Variants in EHMT1 observed in about 807,000 individuals in gnomAD.
The protein encoded by EHMT1 is euchromatic histone lysine methyltransferase 1.
Under a neutral mutation model 147.2 loss-of-function variants are expected in EHMT1, and 15 were observed. The observed-to-expected ratio is 0.10, with a 90% CI of 0.07 to 0.16. The LOEUF (loss-of-function observed/expected upper bound fraction) is 0.16, where lower values mean the gene tolerates loss of function less well. Among genes scored for constraint, EHMT1 ranks in the 10% least tolerant of loss-of-function variants. The pLI, the probability that EHMT1 is intolerant of heterozygous loss-of-function variation, is 1.00. For missense variants in EHMT1, 1,587 were observed against 1,772.4 expected (o/e 0.90, Z 1.88); for synonymous variants, 795 against 709.6 (o/e 1.12, Z -1.91).
chr9:137,667,349 C>T (rs1390253816), intron 1 of EHMT1: 1 of 152,212 alleles, frequency 6.6e-6, no homozygotes, highest in Non-Finnish European at 1.5e-5. Flanking sequence ...GTTCTCATCT[C>T]TTTGGAGTTG....
At chr9:137,824,025 A>C (rs1955641657) in intron 25 of EHMT1, among the ~76,000 whole-genome samples, 1 of 152,200 alleles carries the variant, frequency 6.6e-6, no homozygotes, top group African/African-American at 2.4e-5. Context: ...AGAATTTTGA[A>C]ATTCTATTAC....
At chr9:137,661,925 C>T (rs1939129917) in intron 1 of EHMT1, among the ~76,000 whole-genome samples, 1 of 152,156 alleles carries the variant, frequency 6.6e-6, no homozygotes, top group Non-Finnish European at 1.5e-5. Context: ...GCCTCAGCCT[C>T]CCAGGTAGCT....
At chr9:137,747,812 C>T (rs1272271934) in intron 6 of EHMT1, 2 of 152,104 alleles carry the variant, frequency 1.3e-5, no homozygotes, top group African/African-American at 4.8e-5. Flanking sequence ...CACTGACCTC[C>T]CATCCCCAAA....
chr9:137,728,580 C>T (rs1330364901), intron 4 of EHMT1, 51 bp downstream of exon 4: 1 of 1,611,620 alleles, frequency 6.2e-7, no homozygotes, highest in Non-Finnish European at 8.5e-7. Context: ...TGTTTCGAGC[C>T]TGCCCCTTGC....
intron 1 of EHMT1, chr9:137,650,858 A>G (rs1352358938): frequency 6.6e-6 from 1 of 151,908 alleles, no homozygotes; most frequent in African/African-American, 2.4e-5. Flanking sequence ...TTTTTTGTGC[A>G]GACTGTGTTG....
Position 137,717,119 on chromosome 9 carries a change from C to T in EHMT1, c.579C>T (p.Ala193=), listed in dbSNP as rs765741334. Residue 193 remains alanine, a synonymous_variant, in exon 3 of 27, where the codon GCC becomes GCT. Coordinates refer to ENST00000460843, the MANE Select transcript of EHMT1 (RefSeq NM_024757.5). ...ACACAGAGGACAGGAAGCTCCCGGC[C>T]CCTGGCGCCGACGTCAAGGTCCACA... is the stretch of plus-strand genomic sequence containing the variant. The part of the protein sequence containing the change: ...SADTEDRKLP[A]PGADVKVHRA... 29 of 1,612,458 alleles carry T rather than the reference C, an allele frequency of 1.8e-5. No individual in the cohort carries two copies. Among genetic ancestry groups the T allele is most frequent in the Non-Finnish European group, 2.2e-5 (26 of 1,179,946 alleles).
intron 1 of EHMT1, among the ~76,000 whole-genome samples, chr9:137,635,467 G>A (rs2987623): frequency 1.3e-5 from 2 of 151,356 alleles, no homozygotes; most frequent in Admixed American, 6.6e-5. Flanking sequence ...CGCCCTCCTT[G>A]GCCTCCCAAA....
intron 1 of EHMT1, among the ~76,000 whole-genome samples, chr9:137,707,729 T>G (rs1035432785): frequency 6.6e-6 from 1 of 152,240 alleles, no homozygotes; most frequent in South Asian, 2.1e-4. Context: ...GATTTGTGGC[T>G]GGTGGTGGTG....
chr9:137,686,877 C>T (rs1942494017), intron 1 of EHMT1, among the ~76,000 whole-genome samples: 1 of 151,918 alleles, frequency 6.6e-6, no homozygotes, highest in South Asian at 2.1e-4. Flanking sequence ...ACTACGGGCG[C>T]CCGCCACCGC....
At chr9:137,636,829 A>G (rs1343367654) in intron 1 of EHMT1, among the ~76,000 whole-genome samples, 4 of 147,774 alleles carry the variant, frequency 2.7e-5, no homozygotes. Context: ...CATAAGTGGT[A>G]TTATGTTGGT....
intron 23 of EHMT1, 132 bp from the exon 24 acceptor site, chr9:137,817,307 C>T: frequency 1.0e-6 from 1 of 987,752 alleles, no homozygotes; most frequent in Non-Finnish European, 1.6e-6. Flanking sequence ...GTGCCTGCAG[C>T]ATCGAACGCT....
At position 137,636,894 on chromosome 9, in the gene EHMT1, C is replaced by A. The variant is rs531042868; in HGVS notation, c.21+17845C>A. 5.3e-4 allele frequency among the ~76,000 whole-genome samples: 76 copies of A among 142,392 alleles called. No homozygotes were observed. In the East Asian group the frequency reaches 0.012, roughly 23 times the overall value. The allele number at this position is 142,392 out of a possible 152,430, so 93.4% of individuals were successfully genotyped here. A position where few individuals can be genotyped will look rare whatever the true frequency, so the allele number is the denominator to read the frequency against. Reference sequence around the variant, plus strand: ...ATTATTTTTTTTTGAGACAGTTTCACTCTTTTTTTTTTTTTTTTTTTGAGA... The same window carrying A: ...ATTATTTTTTTTTGAGACAGTTTCAATCTTTTTTTTTTTTTTTTTTTGAGA... On this transcript the variant is annotated intron_variant, in intron 1 of 26. Transcript: ENST00000460843.
chr9:137,700,098 T>C (rs1215963255), intron 1 of EHMT1, among the ~76,000 whole-genome samples: 1 of 152,200 alleles, frequency 6.6e-6, no homozygotes, highest in Non-Finnish European at 1.5e-5. Flanking sequence ...TAAAGAGAAT[T>C]TGTGAGGTCA....
intron 2 of EHMT1, among the ~76,000 whole-genome samples, chr9:137,716,157 TGTG>T (rs146768423): frequency 5.1e-4 from 1 of 1,944 alleles, no homozygotes; most frequent in Admixed American, 4.5e-3. Flanking sequence ...GGGAGGAAGT[TGTG>T]GTGGTGTCAT....
At chr9:137,691,687 C>G (rs569243566) in intron 1 of EHMT1, among the ~76,000 whole-genome samples, 1 of 152,286 alleles carries the variant, frequency 6.6e-6, no homozygotes, top group South Asian at 2.1e-4. Flanking sequence ...CATACTGTTT[C>G]CCATAGCAAC....
At chr9:137,715,795 T>A in intron 2 of EHMT1, 1 of 985,386 alleles carries the variant, frequency 1.0e-6, no homozygotes, top group Non-Finnish European at 1.2e-6. Flanking sequence ...TTTTCTCTGT[T>A]AGTTATTGTG....
At chr9:137,762,557 C>T in intron 9 of EHMT1, 118 bp from the exon 10 acceptor site, 1 of 1,540,598 alleles carries the variant, frequency 6.5e-7, no homozygotes, top group Non-Finnish European at 8.8e-7. Flanking sequence ...GGGTAATCAA[C>T]CGCATTGCTT....
In EHMT1 at chr9:137,779,618, T is replaced by C. The variant is rs373334305; in HGVS notation, c.2193-17T>C. 8 of 1,613,674 alleles carry C rather than the reference T, an allele frequency of 5.0e-6. No individual in the cohort carries two copies. Among genetic ancestry groups the C allele is most frequent in the East Asian group, 2.2e-5 (1 of 44,878 alleles). On this transcript the variant is annotated splice_polypyrimidine_tract_variant and intron_variant, in intron 13 of 26. Coordinates refer to ENST00000460843, the MANE Select transcript of EHMT1 (RefSeq NM_024757.5). ...ATGCAGAGCCCCATGCTGACTGTTG[T>C]CTTGTGCTTCCCACAGACCCAAGAA...
Position 137,787,780 on chromosome 9 carries a change from T to C in EHMT1, c.2383-3068T>C. ...GTGACACACCCTGGAAGAGGGCGTC[T>C]AGATCCCAGCCCTGGGGGCCCTCAG... On this transcript the variant is annotated intron_variant, in intron 15 of 26. Transcript: ENST00000460843. The surrounding 1 kb of genome is among the most constrained non-coding windows in gnomAD (Gnocchi z 4.2). 1.2e-6 allele frequency: 1 copy of C among 837,952 alleles called. No individual in the cohort carries two copies. Among genetic ancestry groups the C allele is most frequent in the Non-Finnish European group, 2.1e-6 (1 of 477,708 alleles). 51.9% of individuals were successfully genotyped at this position (837,952 alleles called of 1,614,324 possible). A position where few individuals can be genotyped will look rare whatever the true frequency, so the allele number is the denominator to read the frequency against.
Sources: allele counts gnomAD v4.1 joint callset (sites outside exome capture counted in the v4.1 genomes callset), GRCh38; gene constraint gnomAD v4.1.1; non-coding constraint Gnocchi (gnomAD v3.1); transcripts MANE v1.5; gene names NCBI Gene and HGNC (gene_info 2026-07-23, HGNC 2026-07-21).